CLEC12A: variants seen among roughly 807,000 people sequenced by gnomAD.
CLEC12A encodes the protein C-type lectin protein CLL-1.
A neutral mutation model predicts 26.5 loss-of-function variants in CLEC12A; 22 were observed. That is an observed-to-expected ratio of 0.83 (90% CI 0.59 to 1.19). The LOEUF is 1.19. Among genes scored for constraint, CLEC12A ranks in the 50% most tolerant of loss-of-function variants. The pLI, the probability that CLEC12A is intolerant of heterozygous loss-of-function variation, is 0.00. For missense variants in CLEC12A, 353 were observed against 315.6 expected, an observed-to-expected ratio of 1.12 and a Z score of -0.90; for synonymous variants, 119 against 101.9, an observed-to-expected ratio of 1.17 and a Z score of -1.01.
chr12:9,959,378 T>C (rs1487096575), intron 1 of CLEC12A, among the ~76,000 whole-genome samples: 2 of 150,162 alleles, frequency 1.3e-5, no homozygotes, highest in Non-Finnish European at 3.0e-5. Flanking sequence ...CTTGAACCAG[T>C]GAGGCGGAGG....
downstream of CLEC12A, chr12:9,999,077 G>A (rs1415280921): frequency 6.2e-7 from 1 of 1,610,314 alleles, no homozygotes; most frequent in East Asian, 2.2e-5. Context: ...TATTTAAGGT[G>A]ATGTATCCAT....
intron 1 of CLEC12A, among the ~76,000 whole-genome samples, chr12:9,973,288 C>T (rs1210161251): frequency 6.6e-6 from 1 of 150,992 alleles, no homozygotes; most frequent in Non-Finnish European, 1.5e-5. Flanking sequence ...TAGAGATATG[C>T]CATGTCTATA....
intron 1 of CLEC12A, among the ~76,000 whole-genome samples, chr12:9,960,166 A>G (rs143722333): frequency 2.4e-3 from 368 of 152,292 alleles, no homozygotes; most frequent in African/African-American, 8.4e-3. Flanking sequence ...AAAACTAGTC[A>G]CTGTGGGATC....
chr12:9,978,726 A>G (rs1864435821), intron 1 of CLEC12A, among the ~76,000 whole-genome samples: 2 of 152,200 alleles, frequency 1.3e-5, no homozygotes, highest in Admixed American at 1.3e-4. Flanking sequence ...TCAGTCTACC[A>G]GTTAACAGCT....
At chr12:9,961,110 G>A (rs574350680) in intron 1 of CLEC12A, among the ~76,000 whole-genome samples, 70 of 152,320 alleles carry the variant, frequency 4.6e-4, no homozygotes, top group African/African-American at 1.6e-3. Flanking sequence ...AATTGGTTGA[G>A]TTTATCTAAA....
chr12:9,995,139 C>T (rs1865007662), exon 5 of CLEC12A: 4 of 1,612,076 alleles, frequency 2.5e-6, no homozygotes, highest in Non-Finnish European at 3.4e-6. Flanking sequence ...CAGTGACTTA[C>T]ATATTTTCTG....
At chr12:9,963,183 G>A (rs1358576360) in intron 1 of CLEC12A, among the ~76,000 whole-genome samples, 1 of 152,114 alleles carries the variant, frequency 6.6e-6, no homozygotes, top group African/African-American at 2.4e-5. Flanking sequence ...GGAGGACCTA[G>A]GACATCTAAT....
chr12:9,997,411 G>A (rs1338578972), downstream of CLEC12A: 2 of 776,012 alleles, frequency 2.6e-6, no homozygotes, highest in Non-Finnish European at 4.0e-6. Flanking sequence ...ATGATTAAAT[G>A]AATGTTGAAA....
In CLEC12A at chr12:9,971,647, G is replaced by A. The variant is rs1443521519; in HGVS notation, c.51G>A (p.Glu17=). 1 of 1,610,318 alleles carries A rather than the reference G, an allele frequency of 6.2e-7. No homozygotes were observed. Among genetic ancestry groups the A allele is most frequent in the Admixed American group, 1.7e-5 (1 of 59,614 alleles). ...YADLQFQNSS[E]MEKIPEIGKF... is the part of the protein sequence containing the mutation. ...ATCTTCAATTCCAGAACTCCAGTGA[G>A]ATGGAAAAAATCCCAGAAATTGGCA... is the stretch of plus-strand genomic sequence containing the variant. Residue 17 remains glutamate, a synonymous_variant, in exon 1 of 6, where the codon GAG becomes GAA. Transcript: ENST00000304361.
chr12:10,003,511 G>T, the CLEC12A span, among the ~76,000 whole-genome samples: 1 of 152,172 alleles, frequency 6.6e-6, no homozygotes, highest in Admixed American at 6.5e-5. Context: ...AATATTTGAA[G>T]AAAATGTAAA....
At chr12:9,998,978 A>C, downstream of CLEC12A, 1 of 983,088 alleles carries the variant, frequency 1.0e-6, no homozygotes, top group Non-Finnish European at 1.6e-6. Context: ...AAAAAGAAAG[A>C]ATTGAATCAA....
downstream of CLEC12A, among the ~76,000 whole-genome samples, chr12:9,998,126 T>C (rs1026775922): frequency 7.9e-5 from 12 of 152,172 alleles, no homozygotes; most frequent in African/African-American, 2.9e-4. Flanking sequence ...ACAGTCAGTG[T>C]TCTCCTTTAT....
intron 3 of CLEC12A, 129 bp from the exon 4 acceptor site, chr12:9,980,453 G>C: frequency 1.0e-6 from 1 of 998,804 alleles, no homozygotes; most frequent in Non-Finnish European, 1.4e-6. Flanking sequence ...AAAAAAGGGG[G>C]AAAGAGAGAA....
intron 1 of CLEC12A, among the ~76,000 whole-genome samples, chr12:9,965,169 AG>A (rs942895734): frequency 5.9e-5 from 9 of 152,118 alleles, no homozygotes; most frequent in Non-Finnish European, 1.3e-4. Flanking sequence ...TGCAGACATG[AG>A]GGCTAGGCTA....
intron 1 of CLEC12A, among the ~76,000 whole-genome samples, chr12:9,955,637 A>G (rs1863731743): frequency 6.6e-6 from 1 of 152,236 alleles, no homozygotes; most frequent in African/African-American, 2.4e-5. Context: ...TTCAATACAG[A>G]AAGTTAAATG....
downstream of CLEC12A, chr12:9,997,107 G>A (rs1285048364): frequency 6.2e-7 from 1 of 1,609,986 alleles, no homozygotes; most frequent in Non-Finnish European, 8.5e-7. Flanking sequence ...GTTGCCATCA[G>A]AGAAATGCTC....
intron 4 of CLEC12A, chr12:9,992,918 A>G: frequency 2.3e-6 from 1 of 438,342 alleles, no homozygotes; most frequent in East Asian, 3.4e-5. Flanking sequence ...AAGAAAGAAA[A>G]TTAAAGGAAA....
chr12:9,998,358 C>T, downstream of CLEC12A: 2 of 1,613,900 alleles, frequency 1.2e-6, no homozygotes, highest in Non-Finnish European at 1.7e-6. Flanking sequence ...TCACACGCCA[C>T]CAGGAGGAGG....
At chr12:9,977,175 A>T (rs1218565140) in intron 1 of CLEC12A, among the ~76,000 whole-genome samples, 1 of 152,222 alleles carries the variant, frequency 6.6e-6, no homozygotes, top group African/African-American at 2.4e-5. Flanking sequence ...GAAAAATTTC[A>T]GAAATTTTTG....
Sources: gnomAD v4.1 joint callset for allele counts (sites outside exome capture counted in the v4.1 genomes callset) on GRCh38, gnomAD v4.1.1 for gene constraint, MANE v1.5 for transcripts, NCBI Gene and HGNC (gene_info 2026-07-23, HGNC 2026-07-21) for gene names.